CLEC2L: variants seen among roughly 807,000 people sequenced by gnomAD.
CLEC2L encodes C-type lectin domain family 2 member L.
A neutral mutation model predicts 23.6 loss-of-function variants in CLEC2L; 14 were observed. The observed-to-expected ratio is 0.59, with a 90% CI of 0.39 to 0.93. The LOEUF is 0.93. Among genes scored for constraint, CLEC2L ranks in the 40% least tolerant of loss-of-function variants. The pLI, the probability that CLEC2L is intolerant of heterozygous loss-of-function variation, is 0.00. For missense variants in CLEC2L, 264 were observed against 282.4 expected (o/e 0.93, Z 0.47); for synonymous variants, 114 against 121.3 (o/e 0.94, Z 0.40).
chr7:139,542,454 C>G (rs2116328852), intron 4 of CLEC2L, among the ~76,000 whole-genome samples: 1 of 152,340 alleles, frequency 6.6e-6, no homozygotes, highest in South Asian at 2.1e-4. Context: ...ACATCCCATT[C>G]AGCCAGAACG....
intron 1 of CLEC2L, chr7:139,534,243 G>A: frequency 9.0e-7 from 1 of 1,107,150 alleles, no homozygotes; most frequent in African/African-American, 1.5e-5. Flanking sequence ...TTGGCGCGAT[G>A]TCTCACACCA....
At chr7:139,534,540 A>C in intron 1 of CLEC2L, 1 of 763,788 alleles carries the variant, frequency 1.3e-6, no homozygotes, top group Non-Finnish European at 2.4e-6. Flanking sequence ...GGCAGGCTCA[A>C]CAGGCTGATA....
At chr7:139,541,148 G>T (rs1797729645) in intron 3 of CLEC2L, among the ~76,000 whole-genome samples, 1 of 151,974 alleles carries the variant, frequency 6.6e-6, no homozygotes, top group Non-Finnish European at 1.5e-5. Flanking sequence ...CGCTGGGACT[G>T]CAGCTGTGCA....
intron 4 of CLEC2L, 139 bp downstream of exon 4, chr7:139,542,260 G>A (rs111443143): frequency 4.0e-5 from 24 of 600,554 alleles, no homozygotes; most frequent in African/African-American, 3.0e-4. Flanking sequence ...AGCAGTGTGC[G>A]CCAGAGACCC....
chr7:139,540,309 T>G lies in CLEC2L; in HGVS notation c.266-12T>G. On this transcript the variant is annotated splice_polypyrimidine_tract_variant and intron_variant, in intron 2 of 4. Coordinates refer to ENST00000422142, the MANE Select transcript of CLEC2L (RefSeq NM_001080511.4). The surrounding 1 kb of genome is among the most constrained non-coding windows in gnomAD (Gnocchi z 5.8). ...GGGGGCGGGCAGGGCCGAGCTGGTC[T>G]CTTCCCTGCAGCTTCCAAGGGCTGC... The G allele has an allele frequency of 1.2e-6, 2 of 1,600,172 alleles. No homozygotes were observed. Among genetic ancestry groups the G allele is most frequent in the Non-Finnish European group, 1.7e-6 (2 of 1,173,586 alleles).
At chr7:139,534,378 A>C in intron 1 of CLEC2L, 1 of 931,588 alleles carries the variant, frequency 1.1e-6, no homozygotes, top group Non-Finnish European at 1.8e-6. Context: ...GAATCCCAAC[A>C]GTCCCTCTAT....
Position 139,524,051 on chromosome 7 carries a change from G to A in CLEC2L, c.124G>A (p.Glu42Lys), listed in dbSNP as rs1310582664. Reference sequence around the variant, plus strand: ...CGCAGAGGCTGAGGCCCGCGGCCCCGAGGGGCTGCTGCGGCGATCCGGGTC... The same window carrying A: ...CGCAGAGGCTGAGGCCCGCGGCCCCAAGGGGCTGCTGCGGCGATCCGGGTC... ...SPAEAEARGP[E>K]GLLRRSGSGY... The change falls in exon 1 of 5, where the codon GAG becomes AAG. Residue 42 changes from glutamate to lysine, a missense_variant. By Grantham distance (56) the Glu-to-Lys change is moderately conservative. Transcript: ENST00000422142. 2.5e-6 allele frequency: 3 copies of A among 1,215,770 alleles called. No individual in the cohort carries two copies. The highest frequency in any genetic ancestry group is 3.1e-6 in the Non-Finnish European group (3 of 976,204). 75.3% of individuals were successfully genotyped at this position (1,215,770 alleles called of 1,614,324 possible).
intron 1 of CLEC2L, among the ~76,000 whole-genome samples, chr7:139,526,857 G>T (rs538327420): frequency 7.2e-5 from 11 of 152,328 alleles, no homozygotes; most frequent in Admixed American, 2.0e-4. Context: ...CTTCTGGTCA[G>T]CCTCCCTTGA....
chr7:139,541,260 A>G lies in CLEC2L; in HGVS notation c.433-761A>G, dbSNP rs1797731284. Reference sequence around the variant, plus strand: ...CTGGCTTCAAGTGATCCACCCGCCTAGGCCTCCCAAAGTGCTGGTATTACA... The same window carrying G: ...CTGGCTTCAAGTGATCCACCCGCCTGGGCCTCCCAAAGTGCTGGTATTACA... On this transcript the variant is annotated intron_variant, in intron 3 of 4. Coordinates refer to ENST00000422142, the MANE Select transcript of CLEC2L (RefSeq NM_001080511.4). Among the ~76,000 whole-genome samples the G allele has an allele frequency of 2.0e-5, 3 of 151,988 alleles. No individual in the cohort carries two copies. In the South Asian group the frequency reaches 6.3e-4, roughly 32 times the overall value.
intron 2 of CLEC2L, among the ~76,000 whole-genome samples, chr7:139,537,443 G>C (rs1315190739): frequency 6.6e-6 from 1 of 152,238 alleles, no homozygotes; most frequent in Non-Finnish European, 1.5e-5. Context: ...GGTTTCAAGG[G>C]CTGGTGAATT....
chr7:139,523,704 G>A lies in CLEC2L; in HGVS notation c.-224G>A, dbSNP rs1418535146. On this transcript the variant is annotated 5_prime_UTR_variant, in exon 1 of 5. Transcript: ENST00000422142. This position sits in a 1 kb window ranked among gnomAD's most constrained non-coding sequence, Gnocchi z 4.1. ...CTCCCCAGCCCGGCTGTGCGTGGAGGCTGCGGCTCGGCGGGGCAGGCGCTG... is the reference window on the plus strand; with the variant it reads ...CTCCCCAGCCCGGCTGTGCGTGGAGACTGCGGCTCGGCGGGGCAGGCGCTG... Among the ~76,000 whole-genome samples, 2 of 150,802 alleles carry A rather than the reference G, an allele frequency of 1.3e-5. No homozygotes were observed. Among genetic ancestry groups the A allele is most frequent in the South Asian group, 2.1e-4 (1 of 4,832 alleles).
chr7:139,527,703 G>T (rs1797524917), intron 1 of CLEC2L, among the ~76,000 whole-genome samples: 1 of 152,136 alleles, frequency 6.6e-6, no homozygotes, highest in South Asian at 2.1e-4. Flanking sequence ...GTATGGGAGA[G>T]GGGACAGAGT....
At chr7:139,542,574 G>T (rs1043226407) in intron 4 of CLEC2L, among the ~76,000 whole-genome samples, 7 of 152,224 alleles carry the variant, frequency 4.6e-5, no homozygotes, top group African/African-American at 1.4e-4. Flanking sequence ...CCTCTGTCCC[G>T]GGCAGCCTCG....
At chr7:139,543,202 T>G (rs898577281) in intron 4 of CLEC2L, among the ~76,000 whole-genome samples, 1 of 152,130 alleles carries the variant, frequency 6.6e-6, no homozygotes, top group Non-Finnish European at 1.5e-5. Context: ...CTTTTCCTTA[T>G]CTCAAGCACT....
At position 139,534,563 on chromosome 7, in the gene CLEC2L, G is replaced by A. The variant is rs1585199717; in HGVS notation, c.191-1711G>A. On this transcript the variant is annotated intron_variant, in intron 1 of 4. Coordinates refer to ENST00000422142, the MANE Select transcript of CLEC2L (RefSeq NM_001080511.4). ...CAACAGGCTGATAAATAATTGTATT[G>A]GAAGCATTAGGGGGGTTGGGGGTGG... 5 of 749,904 alleles carry A rather than the reference G, an allele frequency of 6.7e-6. No individual in the cohort carries two copies. The East Asian group carries it at 1.2e-4, about 18-fold the overall frequency. The allele number at this position is 749,904 out of a possible 1,614,324, so 46.5% of individuals were successfully genotyped here.
chr7:139,526,990 T>C (rs1797515644), intron 1 of CLEC2L, among the ~76,000 whole-genome samples: 1 of 152,226 alleles, frequency 6.6e-6, no homozygotes. Context: ...GCACTTGTCT[T>C]GAGAGAAATG....
rs1457878422 is a variant in CLEC2L, at chr7:139,539,546, T to C, written c.266-775T>C. On this transcript the variant is annotated intron_variant, in intron 2 of 4. Transcript: ENST00000422142. This position sits in a 1 kb window ranked among gnomAD's most constrained non-coding sequence, Gnocchi z 4.1. ...ATCCCATGACGACTGGAAGACAGCATGGTGGTCACTGTTGCTGCTGGTAGA... is the reference window on the plus strand; with the variant it reads ...ATCCCATGACGACTGGAAGACAGCACGGTGGTCACTGTTGCTGCTGGTAGA... 6.6e-6 allele frequency: 1 copy of C among 152,256 alleles called. No individual in the cohort carries two copies. The highest frequency in any genetic ancestry group is 1.5e-5 in the Non-Finnish European group (1 of 68,090). 9.4% of individuals were successfully genotyped at this position (152,256 alleles called of 1,614,324 possible). A position where few individuals can be genotyped will look rare whatever the true frequency, so the allele number is the denominator to read the frequency against.
At chr7:139,536,479 T>A in intron 2 of CLEC2L, 131 bp downstream of exon 2, 1 of 742,756 alleles carries the variant, frequency 1.3e-6, no homozygotes. Flanking sequence ...AGAAAATACA[T>A]AGTGTCAGTT....
intron 1 of CLEC2L, among the ~76,000 whole-genome samples, chr7:139,532,870 C>T (rs959610098): frequency 6.6e-6 from 1 of 152,174 alleles, no homozygotes; most frequent in Non-Finnish European, 1.5e-5. Context: ...TTAAGCCACC[C>T]AGTCTATGAC....
Sources: allele counts gnomAD v4.1 joint callset (sites outside exome capture counted in the v4.1 genomes callset), GRCh38; gene constraint gnomAD v4.1.1; non-coding constraint Gnocchi (gnomAD v3.1); transcripts MANE v1.5; gene names NCBI Gene and HGNC (gene_info 2026-07-23, HGNC 2026-07-21).